The following CCDC83 variants were observed in gnomAD, a reference collection of about 807,000 sequenced individuals.
The protein encoded by CCDC83 is coiled-coil domain-containing protein 83.
In CCDC83, 54 loss-of-function variants were observed where a neutral mutation model predicts 50.1. The observed-to-expected ratio is 1.08, with a 90% CI of 0.87 to 1.35. CCDC83 has a LOEUF of 1.35. Ranked by LOEUF, CCDC83 falls within the 40% of genes most tolerant of loss-of-function variation. CCDC83 has a pLI of 0.00. For synonymous variants in CCDC83, 161 were observed against 153.3 expected, an observed-to-expected ratio of 1.05 and a Z score of -0.37; for missense variants, 518 against 473.9, an observed-to-expected ratio of 1.09 and a Z score of -0.86.
chr11:85,869,863 G>C (rs182970265), intron 2 of CCDC83, among the ~76,000 whole-genome samples: 40 of 152,356 alleles, frequency 2.6e-4, no homozygotes, highest in Non-Finnish European at 4.7e-4. Flanking sequence ...CATGAAGCCA[G>C]AGAAGGCTGA....
chr11:85,915,556 A>G, intron 9 of CCDC83, 58 bp downstream of exon 9: 2 of 1,246,126 alleles, frequency 1.6e-6, no homozygotes, highest in South Asian at 1.3e-5. Context: ...TTTTCAATTT[A>G]AAAAACACTT....
chr11:85,865,077 A>T lies in CCDC83; in HGVS notation c.-28-19A>T. 7.8e-7 allele frequency: 1 copy of T among 1,283,616 alleles called. No individual in the cohort carries two copies. The highest frequency in any genetic ancestry group is 1.1e-6 in the Non-Finnish European group (1 of 889,222). 79.5% of individuals were successfully genotyped at this position (1,283,616 alleles called of 1,614,324 possible). On this transcript the variant is annotated intron_variant, in intron 1 of 10. Coordinates refer to ENST00000342404, the MANE Select transcript of CCDC83 (RefSeq NM_001286159.2). ...CAAAGATGGAATTTTTCACTTTCGT[A>T]TGTCTCCTTTCTAAACAGGTATATT...
chr11:85,867,749 T>G (rs988260547), intron 2 of CCDC83, among the ~76,000 whole-genome samples: 1 of 152,194 alleles, frequency 6.6e-6, no homozygotes, highest in African/African-American at 2.4e-5. Flanking sequence ...AAACCAGTCT[T>G]TCTCCTCTTT....
intron 1 of CCDC83, among the ~76,000 whole-genome samples, chr11:85,859,569 G>A (rs971253524): frequency 2.0e-5 from 3 of 152,182 alleles, no homozygotes; most frequent in Non-Finnish European, 2.9e-5. Flanking sequence ...AAACAATGGG[G>A]AAAGAACTCC....
At chr11:85,888,783 C>T (rs1466367158) in intron 5 of CCDC83, among the ~76,000 whole-genome samples, 1 of 152,002 alleles carries the variant, frequency 6.6e-6, no homozygotes, top group African/African-American at 2.4e-5. Flanking sequence ...CCAGTTGTTC[C>T]AACATCATTT....
At chr11:85,857,447 AC>A (rs1451839804) in intron 1 of CCDC83, among the ~76,000 whole-genome samples, 1 of 152,108 alleles carries the variant, frequency 6.6e-6, no homozygotes, top group East Asian at 1.9e-4. Context: ...TACTTCAAAG[AC>A]GGCCTCCTCA....
At chr11:85,892,708 T>C (rs1189494544) in intron 5 of CCDC83, among the ~76,000 whole-genome samples, 1 of 152,216 alleles carries the variant, frequency 6.6e-6, no homozygotes, top group Non-Finnish European at 1.5e-5. Flanking sequence ...GATTGATTAT[T>C]GTGTTTTGTT....
chr11:85,901,890 G>A (rs1229826895), intron 7 of CCDC83, among the ~76,000 whole-genome samples: 1 of 151,682 alleles, frequency 6.6e-6, no homozygotes, highest in African/African-American at 2.4e-5. Flanking sequence ...AATTAGCCAG[G>A]CATGGTGGTG....
intron 7 of CCDC83, among the ~76,000 whole-genome samples, chr11:85,906,402 T>A (rs2093425970): frequency 1.3e-5 from 2 of 152,094 alleles, no homozygotes; most frequent in African/African-American, 4.8e-5. Flanking sequence ...TCATAAATCT[T>A]AGGTTTAGGG....
chr11:85,866,971 CAAG>C (rs2093211076), intron 2 of CCDC83, among the ~76,000 whole-genome samples: 1 of 152,108 alleles, frequency 6.6e-6, no homozygotes, highest in African/African-American at 2.4e-5. Flanking sequence ...AGGGTCAGAT[CAAG>C]AAGAACACTT....
chr11:85,911,991 T>C (rs1592198008), intron 8 of CCDC83, among the ~76,000 whole-genome samples: 1 of 152,176 alleles, frequency 6.6e-6, no homozygotes, highest in Non-Finnish European at 1.5e-5. Flanking sequence ...TCTTAATATA[T>C]TTATCCTGAC....
chr11:85,890,055 TC>T (rs1443466238), intron 5 of CCDC83, among the ~76,000 whole-genome samples: 1 of 152,072 alleles, frequency 6.6e-6, no homozygotes, highest in Non-Finnish European at 1.5e-5. Flanking sequence ...TCCTACTCTT[TC>T]CCCCACCGAG....
At chr11:85,868,444 G>A (rs923262094) in intron 2 of CCDC83, among the ~76,000 whole-genome samples, 4 of 152,050 alleles carry the variant, frequency 2.6e-5, no homozygotes, top group Non-Finnish European at 4.4e-5. Context: ...GCATGATCTC[G>A]GCTCACTACA....
chr11:85,866,276 G>A (rs903669156), intron 2 of CCDC83, among the ~76,000 whole-genome samples: 2 of 152,098 alleles, frequency 1.3e-5, no homozygotes, highest in African/African-American at 4.8e-5. Flanking sequence ...TAAATACTTG[G>A]GTGTTTACCA....
intron 7 of CCDC83, among the ~76,000 whole-genome samples, chr11:85,899,858 A>G (rs903711117): frequency 6.6e-6 from 1 of 152,180 alleles, no homozygotes; most frequent in African/African-American, 2.4e-5. Context: ...TGAATTGTTT[A>G]TTGTAGTTCA....
chr11:85,911,074 G>C (rs1278490553), intron 7 of CCDC83, among the ~76,000 whole-genome samples: 2 of 151,650 alleles, frequency 1.3e-5, no homozygotes, highest in Admixed American at 1.3e-4. Flanking sequence ...AGGAGGCTGA[G>C]GCAGGAGAAT....
chr11:85,892,794 A>G lies in CCDC83; in HGVS notation c.512-2499A>G, dbSNP rs146867092. On this transcript the variant is annotated intron_variant, in intron 5 of 10. Transcript: ENST00000342404. ...ATTGAAAAAAGAAATTCCATCAGAAATTAGTTTGGAAGGATTAAAATATTC... is the reference window on the plus strand; with the variant it reads ...ATTGAAAAAAGAAATTCCATCAGAAGTTAGTTTGGAAGGATTAAAATATTC... 1.4e-4 allele frequency among the ~76,000 whole-genome samples: 21 copies of G among 152,338 alleles called. No homozygotes were observed. The East Asian group carries it at 3.9e-3, about 28-fold the overall frequency.
chr11:85,868,768 TC>T (rs146930038), intron 2 of CCDC83, among the ~76,000 whole-genome samples: 3,072 of 152,316 alleles, frequency 0.02, 100 homozygotes, highest in African/African-American at 0.069. Flanking sequence ...CACCTCAACC[TC>T]CTGAAATGTT....
At chr11:85,857,431 A>T (rs1042337613) in intron 1 of CCDC83, among the ~76,000 whole-genome samples, 3 of 152,182 alleles carry the variant, frequency 2.0e-5, no homozygotes, top group Non-Finnish European at 4.4e-5. Context: ...CACCAAGCAG[A>T]CATTATACTT....
Sources: allele counts gnomAD v4.1 joint callset (sites outside exome capture counted in the v4.1 genomes callset), GRCh38; gene constraint gnomAD v4.1.1; transcripts MANE v1.5; gene names NCBI Gene and HGNC (gene_info 2026-07-23, HGNC 2026-07-21).